ZNF106: variants seen among roughly 807,000 people sequenced by gnomAD.
ZNF106 encodes SH3-domain binding protein 3.
ZNF106 carries 67 observed loss-of-function variants against 195.1 expected under a neutral mutation model. The observed-to-expected ratio is 0.34, with a 90% confidence interval of 0.28 to 0.42. ZNF106 has a LOEUF of 0.42. Among genes scored for constraint, ZNF106 ranks in the 10% least tolerant of loss-of-function variants. The pLI is 1.00. For synonymous variants in ZNF106, 784 were observed against 818.6 expected (o/e 0.96, Z 0.72); for missense variants, 2,118 against 2,304.5 (o/e 0.92, Z 1.66).
chr15:42,436,461 T>C (rs1179558969), intron 13 of ZNF106, among the ~76,000 whole-genome samples: 7 of 152,232 alleles, frequency 4.6e-5, no homozygotes, highest in African/African-American at 1.7e-4. Flanking sequence ...TCTACACACC[T>C]GTTGCCTATA....
Position 42,415,282 on chromosome 15 carries a change from C to T in ZNF106, c.*2022G>A. The T allele has an allele frequency of 2.8e-6, 1 of 355,952 alleles. No homozygotes were observed. Among genetic ancestry groups the T allele is most frequent in the Non-Finnish European group, 5.5e-6 (1 of 180,400 alleles). The allele number at this position is 355,952 out of a possible 1,614,324, so 22.0% of individuals were successfully genotyped here. A position where few individuals can be genotyped will look rare whatever the true frequency, so the allele number is the denominator to read the frequency against. ...GACTACAGGCACATACCACCACACC[C>T]AGCTAATTTTTGTATTTTTAATAGA... On this transcript the variant is annotated 3_prime_UTR_variant, in exon 22 of 22. Transcript: ENST00000564754.
At chr15:42,469,746 G>A (rs2056619359) in intron 2 of ZNF106, among the ~76,000 whole-genome samples, 1 of 151,806 alleles carries the variant, frequency 6.6e-6, no homozygotes, top group South Asian at 2.1e-4. Flanking sequence ...GCTGAGACGG[G>A]AGCATCACCT....
chr15:42,435,243 C>G, intron 14 of ZNF106, 141 bp downstream of exon 14: 1 of 1,174,802 alleles, frequency 8.5e-7, no homozygotes, highest in East Asian at 2.3e-5. Context: ...CCTAGGGCTA[C>G]AACAATGTGC....
At chr15:42,452,068 C>G in intron 4 of ZNF106, 114 bp from the exon 5 acceptor site, 2 of 1,203,190 alleles carry the variant, frequency 1.7e-6, no homozygotes, top group Non-Finnish European at 2.3e-6. Context: ...GAATATGTAA[C>G]CGAGTCTGGT....
In ZNF106 at chr15:42,448,496, C is replaced by A. The variant is rs766088317; in HGVS notation, c.2711G>T (p.Gly904Val). Residue 904 changes from glycine to valine, a missense_variant, in exon 6 of 22, where the codon GGT (glycine) becomes GTT (valine). Gly to Val is a moderately radical substitution (Grantham distance 109). Transcript: ENST00000564754. The stretch of plus-strand genomic sequence containing the variant: ...CTGGGGCTCATTTTCTTTGCCTGTA[C>A]CTTCCTCACTGAAGAAGCTATACAC... ...PSVYSFFSEE[G>V]TGKENEPQQM... The A allele has an allele frequency of 6.2e-7, 1 of 1,614,088 alleles. No homozygotes were observed. The highest frequency in any genetic ancestry group is 2.2e-5 in the East Asian group (1 of 44,876).
At chr15:42,489,192 TA>T (rs1319952347) in intron 1 of ZNF106, among the ~76,000 whole-genome samples, 1 of 147,514 alleles carries the variant, frequency 6.8e-6, no homozygotes, top group African/African-American at 2.4e-5. Context: ...TATTATTTTT[TA>T]ATTTTTTTTT....
intron 2 of ZNF106, among the ~76,000 whole-genome samples, chr15:42,470,240 C>T (rs1040829547): frequency 6.6e-6 from 1 of 152,122 alleles, no homozygotes; most frequent in Non-Finnish European, 1.5e-5. Context: ...CACAGCTTTT[C>T]CCCATACTCA....
At chr15:42,490,418 C>G (rs998040811) in intron 1 of ZNF106, 1 of 152,054 alleles carries the variant, frequency 6.6e-6, no homozygotes, top group Non-Finnish European at 1.5e-5. Flanking sequence ...GATGATTACA[C>G]AACAAATTGA....
At chr15:42,452,922 G>C (rs1483217838) in intron 4 of ZNF106, among the ~76,000 whole-genome samples, 3 of 151,982 alleles carry the variant, frequency 2.0e-5, no homozygotes, top group Non-Finnish European at 2.9e-5. Flanking sequence ...CTGACCTCAG[G>C]TAATCCACCC....
intron 18 of ZNF106, 59 bp from the exon 19 acceptor site, chr15:42,422,047 C>A: frequency 6.8e-7 from 1 of 1,478,146 alleles, no homozygotes; most frequent in Non-Finnish European, 9.1e-7. Context: ...TTAATAAGTA[C>A]AGTCCCTAAA....
At chr15:42,436,996 G>A (rs1198709700) in intron 13 of ZNF106, among the ~76,000 whole-genome samples, 1 of 152,190 alleles carries the variant, frequency 6.6e-6, no homozygotes, top group Non-Finnish European at 1.5e-5. Context: ...CCTGTAAGCA[G>A]GAGGGGAACT....
intron 14 of ZNF106, among the ~76,000 whole-genome samples, chr15:42,430,803 A>G (rs1020473371): frequency 1.3e-5 from 2 of 151,792 alleles, no homozygotes; most frequent in African/African-American, 4.9e-5. Context: ...ATATGCTTAC[A>G]ATTTTTTTTT....
intron 1 of ZNF106, among the ~76,000 whole-genome samples, chr15:42,489,743 A>T (rs888223508): frequency 3.3e-5 from 5 of 152,064 alleles, no homozygotes; most frequent in Admixed American, 2.0e-4. Context: ...AGCACTCAAA[A>T]GTTATCTGTG....
At chr15:42,418,057 G>A in intron 20 of ZNF106, 106 bp from the exon 21 acceptor site, 1 of 1,191,592 alleles carries the variant, frequency 8.4e-7, no homozygotes, top group Non-Finnish European at 1.1e-6. Flanking sequence ...CAAAAAGCCA[G>A]CCCCTTATTT....
At chr15:42,481,723 C>T (rs2056904698) in intron 1 of ZNF106, among the ~76,000 whole-genome samples, 1 of 152,040 alleles carries the variant, frequency 6.6e-6, no homozygotes, top group African/African-American at 2.4e-5. Flanking sequence ...TTTTTTCCTT[C>T]AGCATTTTAA....
intron 10 of ZNF106, among the ~76,000 whole-genome samples, chr15:42,440,819 T>G (rs1437125568): frequency 1.4e-5 from 2 of 145,914 alleles, no homozygotes; most frequent in East Asian, 4.2e-4. Context: ...CCTGTCTCTA[T>G]TAAAAATACA....
intron 14 of ZNF106, among the ~76,000 whole-genome samples, chr15:42,428,815 G>A (rs142614200): frequency 6.6e-6 from 1 of 152,044 alleles, no homozygotes; most frequent in Non-Finnish European, 1.5e-5. Flanking sequence ...CCAGGCTGGA[G>A]TGCAGTGGTG....
intron 3 of ZNF106, among the ~76,000 whole-genome samples, chr15:42,463,573 T>C (rs577671827): frequency 1.3e-5 from 2 of 152,026 alleles, no homozygotes; most frequent in Non-Finnish European, 2.9e-5. Flanking sequence ...TGGAACTCTG[T>C]CTTTACAAAA....
rs561342261 is a variant in ZNF106 at position 42,427,234 on chromosome 15, C to T, written c.4998+784G>A. Among the ~76,000 whole-genome samples, 451 of 152,312 alleles carry T rather than the reference C, an allele frequency of 3.0e-3. 1 individual carries two copies. Among genetic ancestry groups the T allele is most frequent in the Middle Eastern group, 6.8e-3 (2 of 294 alleles). ...CTCCTAAATGGTCTCCCTGCCTTTGCTAATACCAATCTTTCCCAATCTTAT... is the reference window on the plus strand; with the variant it reads ...CTCCTAAATGGTCTCCCTGCCTTTGTTAATACCAATCTTTCCCAATCTTAT... On this transcript the variant is annotated intron_variant, in intron 15 of 21. Coordinates refer to ENST00000564754, the MANE Select transcript of ZNF106 (RefSeq NM_001366845.3).
Sources: allele counts gnomAD v4.1 joint callset (sites outside exome capture counted in the v4.1 genomes callset), GRCh38; gene constraint gnomAD v4.1.1; transcripts MANE v1.5; gene names NCBI Gene and HGNC (gene_info 2026-07-23, HGNC 2026-07-21).